SPAG16: variants seen among roughly 807,000 people sequenced by gnomAD.
The protein encoded by SPAG16 is sperm associated antigen 16.
In SPAG16, 86 loss-of-function variants were observed where a neutral mutation model predicts 80.4. The observed-to-expected ratio is 1.07, with a 90% confidence interval of 0.90 to 1.28. SPAG16 has a LOEUF of 1.28. SPAG16 is among the 50% of genes most tolerant of loss of function. SPAG16 has a pLI of 0.00. For synonymous variants in SPAG16, 294 were observed against 265.9 expected (o/e 1.11, Z -1.03); for missense variants, 870 against 765.3 (o/e 1.14, Z -1.61).
intron 13 of SPAG16, among the ~76,000 whole-genome samples, chr2:214,022,592 C>T (rs969521167): frequency 6.6e-6 from 1 of 151,930 alleles, no homozygotes; most frequent in African/African-American, 2.4e-5. Flanking sequence ...TTATATTTTG[C>T]TCTCATGAAA....
At chr2:213,693,823 G>C (rs1312806331) in intron 10 of SPAG16, among the ~76,000 whole-genome samples, 1 of 152,144 alleles carries the variant, frequency 6.6e-6, no homozygotes, top group African/African-American at 2.4e-5. Context: ...ATGGGGCCTG[G>C]AACATGGTGA....
intron 9 of SPAG16, among the ~76,000 whole-genome samples, chr2:213,392,497 G>A (rs1377234874): frequency 1.3e-5 from 2 of 152,130 alleles, no homozygotes; most frequent in East Asian, 3.8e-4. Context: ...AAATATGGAA[G>A]TTGGTAAGAA....
chr2:213,287,076 C>A (rs2062082424), intron 1 of SPAG16, among the ~76,000 whole-genome samples: 1 of 152,022 alleles, frequency 6.6e-6, no homozygotes, highest in South Asian at 2.1e-4. Flanking sequence ...AGGTGAGATA[C>A]AAATATACAT....
At chr2:214,395,158 T>C (rs1188916000) in intron 15 of SPAG16, among the ~76,000 whole-genome samples, 1 of 152,208 alleles carries the variant, frequency 6.6e-6, no homozygotes, top group Admixed American at 6.5e-5. Flanking sequence ...TGAATGAAGC[T>C]TCTATAAACA....
intron 12 of SPAG16, among the ~76,000 whole-genome samples, chr2:214,006,227 T>G (rs2047021334): frequency 6.6e-6 from 1 of 152,346 alleles, no homozygotes; most frequent in East Asian, 1.9e-4. Context: ...CAAGCCTGAA[T>G]TTTAAGTTAC....
intron 10 of SPAG16, among the ~76,000 whole-genome samples, chr2:213,851,008 TA>T (rs1213088971): frequency 6.6e-6 from 1 of 152,182 alleles, no homozygotes; most frequent in Non-Finnish European, 1.5e-5. Flanking sequence ...CACAGTTAGC[TA>T]AAATTTGACT....
intron 10 of SPAG16, among the ~76,000 whole-genome samples, chr2:213,571,959 A>C (rs2059927136): frequency 7.8e-6 from 1 of 128,306 alleles, no homozygotes; most frequent in Non-Finnish European, 1.6e-5. Flanking sequence ...TTTTCTCTAA[A>C]CTTCCCTTCT....
At chr2:213,467,153 G>A (rs1218472095) in intron 9 of SPAG16, among the ~76,000 whole-genome samples, 2 of 151,860 alleles carry the variant, frequency 1.3e-5, no homozygotes, top group African/African-American at 4.8e-5. Context: ...CAGGGTTTGA[G>A]GAGGCCTGCC....
chr2:213,878,963 T>TG (rs1400435587), intron 11 of SPAG16, among the ~76,000 whole-genome samples: 4 of 152,120 alleles, frequency 2.6e-5, no homozygotes, highest in Admixed American at 2.0e-4. Flanking sequence ...TGGATGTGGA[T>TG]GTGTGATTTA....
intron 10 of SPAG16, among the ~76,000 whole-genome samples, chr2:213,597,175 C>T (rs527964855): frequency 3.9e-5 from 6 of 152,248 alleles, no homozygotes; most frequent in African/African-American, 1.4e-4. Flanking sequence ...ATGCCTAAAT[C>T]TAATTTATTT....
intron 10 of SPAG16, among the ~76,000 whole-genome samples, chr2:213,710,972 T>C (rs975156832): frequency 4.6e-5 from 7 of 152,304 alleles, no homozygotes; most frequent in South Asian, 4.1e-4. Context: ...ATTTTTTTTT[T>C]AATTGTAATA....
intron 15 of SPAG16, among the ~76,000 whole-genome samples, chr2:214,243,808 A>G (rs1010765365): frequency 6.6e-6 from 1 of 152,172 alleles, no homozygotes; most frequent in African/African-American, 2.4e-5. Context: ...GATTGGCAAC[A>G]GTAAATAGAA....
intron 10 of SPAG16, among the ~76,000 whole-genome samples, chr2:213,686,307 C>T (rs562152509): frequency 6.6e-5 from 10 of 152,064 alleles, no homozygotes; most frequent in South Asian, 2.1e-4. Flanking sequence ...TTAGTAGAGA[C>T]GGGGTTTCAC....
At chr2:213,828,465 T>C (rs2073431571) in intron 10 of SPAG16, among the ~76,000 whole-genome samples, 1 of 152,200 alleles carries the variant, frequency 6.6e-6, no homozygotes, top group Non-Finnish European at 1.5e-5. Flanking sequence ...ATCACAACTA[T>C]TTTGAATTCT....
intron 13 of SPAG16, among the ~76,000 whole-genome samples, chr2:214,104,129 T>A (rs943462081): frequency 6.6e-6 from 1 of 152,056 alleles, no homozygotes; most frequent in African/African-American, 2.4e-5. Flanking sequence ...ATCTTTAGGG[T>A]TGCTATTCAG....
chr2:214,069,214 C>T lies in SPAG16; in HGVS notation c.1528-38982C>T, dbSNP rs140052666. Among the ~76,000 whole-genome samples the T allele has an allele frequency of 1.2e-4, 18 of 152,022 alleles. No homozygotes were observed. In the East Asian group the frequency reaches 3.3e-3, roughly 28 times the overall value. ...GGCTTGAGAATGGTTTTAATCATTCCGATACGTGTATATTGTTAAGCTGCT... is the reference window on the plus strand; with the variant it reads ...GGCTTGAGAATGGTTTTAATCATTCTGATACGTGTATATTGTTAAGCTGCT... On this transcript the variant is annotated intron_variant, in intron 13 of 15. Transcript: ENST00000331683.
chr2:213,929,978 T>C lies in SPAG16; in HGVS notation c.1233T>C (p.Thr411=). The change falls in exon 12 of 16, where the codon ACT becomes ACC. Residue 411 remains threonine (T), a synonymous_variant. Coordinates refer to ENST00000331683, the MANE Select transcript of SPAG16 (RefSeq NM_024532.5). ...CAAATAGTGGCGACAAATTGGCTACTTCAAGTGGTGACACTACAGTTAAAT... is the reference window on the plus strand; with the variant it reads ...CAAATAGTGGCGACAAATTGGCTACCTCAAGTGGTGACACTACAGTTAAAT... The part of the protein sequence containing the change: ...CFHPSGDKLA[T]SSGDTTVKLW... The C allele has an allele frequency of 6.2e-7, 1 of 1,608,146 alleles. No individual in the cohort carries two copies. The highest frequency in any genetic ancestry group is 8.5e-7 in the Non-Finnish European group (1 of 1,178,280).
At chr2:214,266,760 CTACAAAAAATCGGT>C (rs1691605286) in intron 15 of SPAG16, among the ~76,000 whole-genome samples, 2 of 150,930 alleles carry the variant, frequency 1.3e-5, no homozygotes, top group South Asian at 4.2e-4. Context: ...ACAAAATCAA[CTACAAAAAATCGGT>C]AATGTTTCTA....
chr2:213,759,187 G>T (rs2068510118), intron 10 of SPAG16, among the ~76,000 whole-genome samples: 1 of 152,126 alleles, frequency 6.6e-6, no homozygotes, highest in Admixed American at 6.5e-5. Flanking sequence ...AGTGAAATGA[G>T]AAGACACTAG....
Sources: allele counts gnomAD v4.1 joint callset (sites outside exome capture counted in the v4.1 genomes callset), GRCh38; gene constraint gnomAD v4.1.1; transcripts MANE v1.5; gene names NCBI Gene and HGNC (gene_info 2026-07-23, HGNC 2026-07-21).